The following DDX31 variants were observed in gnomAD, a reference collection of about 807,000 sequenced individuals.
DDX31 encodes ATP-dependent DNA helicase DDX31.
In DDX31, 70 loss-of-function variants were observed where a neutral mutation model predicts 91.3. The observed-to-expected ratio is 0.77, with a 90% confidence interval of 0.63 to 0.94. The LOEUF (loss-of-function observed/expected upper bound fraction) is 0.94, where lower values mean the gene tolerates loss of function less well. Among genes scored for constraint, DDX31 ranks in the 40% least tolerant of loss-of-function variants. The pLI is 0.00. For synonymous variants in DDX31, 362 were observed against 350.6 expected, an observed-to-expected ratio of 1.03 and a Z score of -0.36; for missense variants, 902 against 925.0, an observed-to-expected ratio of 0.98 and a Z score of 0.32.
chr9:132,643,723 C>T (rs1833642904), intron 13 of DDX31, among the ~76,000 whole-genome samples: 1 of 152,158 alleles, frequency 6.6e-6, no homozygotes, highest in Admixed American at 6.5e-5. Flanking sequence ...GATATCCGAA[C>T]CCAGGGAGCT....
At chr9:132,623,551 C>CAAAAAAAAAAAAA (rs34868804) in intron 17 of DDX31, among the ~76,000 whole-genome samples, 8 of 66,640 alleles carry the variant, frequency 1.2e-4, no homozygotes, top group African/African-American at 1.8e-4. Flanking sequence ...GACTCCATCT[C>CAAAAAAAAAAAAA]AAAAAAAAAA....
intron 1 of DDX31, among the ~76,000 whole-genome samples, chr9:132,668,408 C>T (rs1007665752): frequency 1.3e-5 from 2 of 152,110 alleles, no homozygotes; most frequent in African/African-American, 4.8e-5. Context: ...AGTTGCCAGT[C>T]CTCATTCCTG....
At chr9:132,661,119 C>A (rs530870163) in intron 4 of DDX31, 89 bp downstream of exon 4, 9 of 1,157,330 alleles carry the variant, frequency 7.8e-6, no homozygotes, top group East Asian at 7.0e-5. Flanking sequence ...AACGCCAAGA[C>A]ACAAATTTGC....
chr9:132,659,624 A>G, intron 5 of DDX31, 86 bp downstream of exon 5: 1 of 1,383,070 alleles, frequency 7.2e-7, no homozygotes, highest in East Asian at 2.5e-5. Context: ...TGCCACCACC[A>G]CCAACCCAGA....
In DDX31 at chr9:132,594,448, T is replaced by C. The variant is rs1305293804; in HGVS notation, c.*418A>G. On this transcript the variant is annotated 3_prime_UTR_variant, in exon 20 of 20. Transcript: ENST00000372159. ...CCCTAATTCACAAAATTCATGCCAATGTATGCGCTGATAGGCTGAAGCCAA... is the reference window on the plus strand; with the variant it reads ...CCCTAATTCACAAAATTCATGCCAACGTATGCGCTGATAGGCTGAAGCCAA... 1.2e-5 allele frequency: 2 copies of C among 164,838 alleles called. No homozygotes were observed. The highest frequency in any genetic ancestry group is 2.7e-5 in the Non-Finnish European group (2 of 75,424). The allele number at this position is 164,838 out of a possible 1,614,324, so 10.2% of individuals were successfully genotyped here.
intron 19 of DDX31, among the ~76,000 whole-genome samples, chr9:132,596,803 G>T (rs1436656830): frequency 6.6e-6 from 1 of 152,184 alleles, no homozygotes; most frequent in Non-Finnish European, 1.5e-5. Flanking sequence ...GTCTCCTAAG[G>T]ACTACTTCAG....
intron 19 of DDX31, among the ~76,000 whole-genome samples, chr9:132,600,167 A>G (rs1261058227): frequency 6.6e-6 from 1 of 152,210 alleles, no homozygotes; most frequent in East Asian, 1.9e-4. Context: ...ATGCTACCCT[A>G]CCTTTTATGG....
At chr9:132,657,678 G>A (rs1834658303) in intron 6 of DDX31, among the ~76,000 whole-genome samples, 1 of 152,170 alleles carries the variant, frequency 6.6e-6, no homozygotes, top group African/African-American at 2.4e-5. Flanking sequence ...GCTTTTGTCT[G>A]TTTTTTGCAG....
intron 1 of DDX31, among the ~76,000 whole-genome samples, chr9:132,668,171 G>A (rs1409049325): frequency 1.3e-5 from 2 of 152,048 alleles, no homozygotes; most frequent in East Asian, 3.9e-4. Flanking sequence ...AAAGTTTGAT[G>A]ATCACTTTAT....
rs541532894 is a variant in DDX31, at chr9:132,594,113, G to C, written c.*753C>G. The C allele has an allele frequency of 6.6e-6, 1 of 152,048 alleles. No homozygotes were observed. The allele number at this position is 152,048 out of a possible 1,614,324, so 9.4% of individuals were successfully genotyped here. On this transcript the variant is annotated 3_prime_UTR_variant, in exon 20 of 20. Transcript: ENST00000372159. ...CTTTCTTGAAGACAAGACAGGATTCGATAGGGAAAAAAAGCTTGGGATACT... is the reference window on the plus strand; with the variant it reads ...CTTTCTTGAAGACAAGACAGGATTCCATAGGGAAAAAAAGCTTGGGATACT...
intron 17 of DDX31, among the ~76,000 whole-genome samples, chr9:132,620,725 G>T (rs1223940976): frequency 6.6e-6 from 1 of 152,106 alleles, no homozygotes; most frequent in Non-Finnish European, 1.5e-5. Context: ...TGAAGACAGA[G>T]GGGGGCAGAG....
At chr9:132,623,677 G>A (rs1030188758) in intron 17 of DDX31, among the ~76,000 whole-genome samples, 3 of 151,062 alleles carry the variant, frequency 2.0e-5, no homozygotes, top group Non-Finnish European at 2.9e-5. Context: ...CTGCCTCTCC[G>A]AAAAGAAACT....
In DDX31 at chr9:132,622,189, G is replaced by C. The variant is rs142723698; in HGVS notation, c.1713+3475C>G. On this transcript the variant is annotated intron_variant, in intron 17 of 19. Coordinates refer to ENST00000372159, the MANE Select transcript of DDX31 (RefSeq NM_022779.9). ...CAGCAATTGTATGTTTTACAGATGG[G>C]AAAACTGAGACTGGGGAGAAGATAA... is the stretch of plus-strand genomic sequence containing the variant. Among the ~76,000 whole-genome samples, 896 of 152,264 alleles carry C rather than the reference G, an allele frequency of 5.9e-3. 5 individuals carry two copies. Among genetic ancestry groups the C allele is most frequent in the Admixed American group, 0.011 (167 of 15,300 alleles).
rs568277954 is a variant in DDX31 at position 132,657,305 on chromosome 9, T to C, written c.588+1366A>G. On this transcript the variant is annotated intron_variant, in intron 6 of 19. Coordinates refer to ENST00000372159, the MANE Select transcript of DDX31 (RefSeq NM_022779.9). ...ACTTACAAAATTTTGCATAAAAAAA[T>C]ACAAGGAATTTCCACACACCCTTCT... Among the ~76,000 whole-genome samples, 6 of 152,310 alleles carry C rather than the reference T, an allele frequency of 3.9e-5. No individual in the cohort carries two copies. The East Asian group carries it at 1.2e-3, about 29-fold the overall frequency.
Position 132,653,132 on chromosome 9 carries a change from A to G in DDX31, c.589-640T>C, listed in dbSNP as rs375684875. Among the ~76,000 whole-genome samples the G allele has an allele frequency of 5.5e-4, 83 of 152,210 alleles. No homozygotes were observed. The South Asian group carries it at 0.016, about 30-fold the overall frequency. On this transcript the variant is annotated intron_variant, in intron 6 of 19. Coordinates refer to ENST00000372159, the MANE Select transcript of DDX31 (RefSeq NM_022779.9). ...TTATCTTACAAAAAAAAAAACCATA[A>G]GAGAACTAATGTAAAATCTATTACA...
At chr9:132,612,355 G>T in intron 18 of DDX31, 100 bp from the exon 19 acceptor site, 1 of 1,395,512 alleles carries the variant, frequency 7.2e-7, no homozygotes, top group Non-Finnish European at 1.0e-6. Flanking sequence ...TATCTTGCCA[G>T]GCAACGAAAC....
intron 17 of DDX31, among the ~76,000 whole-genome samples, chr9:132,621,642 T>C (rs1323705932): frequency 1.3e-5 from 2 of 152,180 alleles, no homozygotes; most frequent in East Asian, 1.9e-4. Flanking sequence ...CACATTTACA[T>C]GCCTGGCATT....
At chr9:132,665,824 A>T (rs1418011121) in intron 1 of DDX31, among the ~76,000 whole-genome samples, 1 of 152,260 alleles carries the variant, frequency 6.6e-6, no homozygotes. Context: ...CAACACAGGT[A>T]CTGTTATCAT....
intron 19 of DDX31, among the ~76,000 whole-genome samples, chr9:132,598,457 T>C (rs1196361312): frequency 1.3e-5 from 2 of 152,144 alleles, no homozygotes; most frequent in Non-Finnish European, 2.9e-5. Flanking sequence ...CACAGGGAAC[T>C]CCCTTGTAGT....
Sources: gnomAD v4.1 joint callset for allele counts (sites outside exome capture counted in the v4.1 genomes callset) on GRCh38, gnomAD v4.1.1 for gene constraint, MANE v1.5 for transcripts, NCBI Gene and HGNC (gene_info 2026-07-23, HGNC 2026-07-21) for gene names.